SRSF3: variants seen among roughly 807,000 people sequenced by gnomAD.
SRSF3 encodes the protein serine and arginine rich splicing factor 3.
For missense variants in SRSF3, 58 were observed against 217.1 expected, an observed-to-expected ratio of 0.27 and a Z score of 4.61; for synonymous variants, 87 against 73.6, an observed-to-expected ratio of 1.18 and a Z score of -0.93.
intron 4 of SRSF3, 25 bp downstream of exon 4, chr6:36,601,215 C>T (rs189023031): frequency 2.4e-5 from 38 of 1,612,230 alleles, no homozygotes; most frequent in East Asian, 1.3e-4. Context: ...TTTTTGGCTA[C>T]GTTCTTAGAA....
chr6:36,603,395 AT>A lies in SRSF3; in HGVS notation c.*1411del, dbSNP rs1778752248. The A allele has an allele frequency of 4.5e-6, 1 of 223,682 alleles. No individual in the cohort carries two copies. Among genetic ancestry groups the A allele is most frequent in the Non-Finnish European group, 8.9e-6 (1 of 111,912 alleles). The allele number at this position is 223,682 out of a possible 1,614,324, so 13.9% of individuals were successfully genotyped here. On this transcript the variant is annotated 3_prime_UTR_variant, in exon 6 of 6. Coordinates refer to ENST00000373715, the MANE Select transcript of SRSF3 (RefSeq NM_003017.5). ...AAAATGGCAGGTGTTGTAATTTCAAATTTTTGTGCAATTAGATTAAATCATA... is the reference window on the plus strand; with the variant it reads ...AAAATGGCAGGTGTTGTAATTTCAAATTTTGTGCAATTAGATTAAATCATA...
rs1371051070 is a variant in SRSF3 at position 36,602,521 on chromosome 6, T to C, written c.*532T>C. On this transcript the variant is annotated 3_prime_UTR_variant, in exon 6 of 6. Transcript: ENST00000373715. ...TCATCCTGGGCAGAGGTTGCCTAGT[T>C]GGTATAGAATGTTAAGTTTCAAGAA... 4.5e-6 allele frequency: 1 copy of C among 220,036 alleles called. No individual in the cohort carries two copies. Among genetic ancestry groups the C allele is most frequent in the Admixed American group, 5.8e-5 (1 of 17,308 alleles). 13.6% of individuals were successfully genotyped at this position (220,036 alleles called of 1,614,324 possible). A position where few individuals can be genotyped will look rare whatever the true frequency, so the allele number is the denominator to read the frequency against.
In SRSF3 at chr6:36,605,117, C is replaced by T. The variant is rs893211993; in HGVS notation, c.*3128C>T. ...TATGTCCACTCTAATTTTTTTCATCCTGTTTTATTAGGGGGATTCATCGGG... is the reference window on the plus strand; with the variant it reads ...TATGTCCACTCTAATTTTTTTCATCTTGTTTTATTAGGGGGATTCATCGGG... On this transcript the variant is annotated 3_prime_UTR_variant, in exon 6 of 6. Transcript: ENST00000373715. 2.0e-5 allele frequency: 3 copies of T among 152,130 alleles called. 1 individual carries two copies. The East Asian group carries it at 5.8e-4, about 29-fold the overall frequency. The allele number at this position is 152,130 out of a possible 1,614,324, so 9.4% of individuals were successfully genotyped here.
Position 36,603,650 on chromosome 6 carries a change from G to A in SRSF3, c.*1661G>A. The stretch of plus-strand genomic sequence containing the variant: ...CAGCCTTAAAGTTAAGCATGTTCAA[G>A]AAAGACACTTTTCAGACAGCCTGTT... On this transcript the variant is annotated 3_prime_UTR_variant, in exon 6 of 6. Transcript: ENST00000373715. 1 of 230,216 alleles carries A rather than the reference G, an allele frequency of 4.3e-6. No individual in the cohort carries two copies. The highest frequency in any genetic ancestry group is 8.6e-6 in the Non-Finnish European group (1 of 116,228). 14.3% of individuals were successfully genotyped at this position (230,216 alleles called of 1,614,324 possible). A position where few individuals can be genotyped will look rare whatever the true frequency, so the allele number is the denominator to read the frequency against.
intron 3 of SRSF3, 136 bp from the exon 4 acceptor site, chr6:36,601,016 T>TTTTTTTTTTTTTTTTTC (rs1183256116): frequency 3.2e-6 from 1 of 316,280 alleles, no homozygotes; most frequent in Non-Finnish European, 5.2e-6. Flanking sequence ...TTTTTTTTTT[T>TTTTTTTTTTTTTTTTTC]TTTTTTTTTT....
intron 1 of SRSF3, chr6:36,594,816 A>T (rs1778597543): frequency 6.6e-6 from 1 of 151,588 alleles, no homozygotes. Context: ...TTAATTGGGA[A>T]GCTTCTCAGA....
At chr6:36,596,041 C>G (rs925099312) in intron 1 of SRSF3, among the ~76,000 whole-genome samples, 1 of 152,154 alleles carries the variant, frequency 6.6e-6, no homozygotes, top group Non-Finnish European at 1.5e-5. Flanking sequence ...TGTTCTGCCT[C>G]AGCCTCCCGA....
intron 2 of SRSF3, 178 bp downstream of exon 2, chr6:36,597,146 C>T (rs1329771174): frequency 3.3e-6 from 2 of 611,594 alleles, no homozygotes; most frequent in Non-Finnish European, 5.5e-6. Context: ...TGCACTGTCA[C>T]TGGGCTGGAG....
rs775227806 is a variant in SRSF3 at position 36,601,001 on chromosome 6, C to CTTTTTTTTTTT, written c.342-136_342-126dup. The CTTTTTTTTTTT allele has an allele frequency of 3.7e-3, 321 of 86,482 alleles. 47 individuals are homozygous for CTTTTTTTTTTT. The highest frequency in any genetic ancestry group is 9.4e-3 in the Middle Eastern group (2 of 212). The allele number at this position is 86,482 out of a possible 1,614,324, so 5.4% of individuals were successfully genotyped here. A position where few individuals can be genotyped will look rare whatever the true frequency, so the allele number is the denominator to read the frequency against. On this transcript the variant is annotated intron_variant, in intron 3 of 5. Coordinates refer to ENST00000373715, the MANE Select transcript of SRSF3 (RefSeq NM_003017.5). ...GCCTTTTTTTTCTTTTCTTTTTTTTCTTTTTTTTTTTTTTTTTTTTTTTTT... is the reference window on the plus strand; with the variant it reads ...GCCTTTTTTTTCTTTTCTTTTTTTTCTTTTTTTTTTTTTTTTTTTTTTTTTTTTTTTTTTTT...
chr6:36,601,189 A>G lies in SRSF3; in HGVS notation c.379A>G (p.Arg127Gly). The change falls in exon 4 of 6, where the codon AGG (arginine) becomes GGG (glycine). Residue 127 changes from arginine (R) to glycine (G), a missense_variant and splice_region_variant. Arg to Gly is a moderately radical substitution (Grantham distance 125). Transcript: ENST00000373715. ...GAGAAGCTTCTCTCGCAGCCGGAGCAGGTAAATGACTACCTTTTTTGGCTA... is the reference window on the plus strand; with the variant it reads ...GAGAAGCTTCTCTCGCAGCCGGAGCGGGTAAATGACTACCTTTTTTGGCTA... ...RRRSFSRSRS[R>G]SLSRDRRRER... The G allele has an allele frequency of 6.2e-7, 1 of 1,613,572 alleles. No individual in the cohort carries two copies. The highest frequency in any genetic ancestry group is 8.5e-7 in the Non-Finnish European group (1 of 1,179,886).
intron 3 of SRSF3, chr6:36,600,442 A>ACTAG (rs2127506112): frequency 4.0e-6 from 1 of 248,780 alleles, no homozygotes; most frequent in Non-Finnish European, 6.4e-6. Flanking sequence ...TCGTAATGTA[A>ACTAG]CTAGGCCTTC....
At chr6:36,601,116 T>A in intron 3 of SRSF3, 36 bp from the exon 4 acceptor site, 1 of 1,591,966 alleles carries the variant, frequency 6.3e-7, no homozygotes, top group Non-Finnish European at 8.6e-7. Context: ...AAATACTAAT[T>A]GATGATGAGC....
intron 2 of SRSF3, 64 bp downstream of exon 2, chr6:36,597,032 G>A (rs1486522709): frequency 6.7e-7 from 1 of 1,483,782 alleles, no homozygotes; most frequent in Non-Finnish European, 9.4e-7. Context: ...AAATCTACAG[G>A]ATATGTGGCT....
rs143699788 is a variant in SRSF3 at position 36,595,120 on chromosome 6, G to A, written c.-3+639G>A. Among the ~76,000 whole-genome samples the A allele has an allele frequency of 2.7e-3, 409 of 152,304 alleles. 1 individual carries two copies. Among genetic ancestry groups the A allele is most frequent in the Non-Finnish European group, 4.8e-3 (326 of 68,036 alleles). On this transcript the variant is annotated intron_variant, in intron 1 of 5. Coordinates refer to ENST00000373715, the MANE Select transcript of SRSF3 (RefSeq NM_003017.5). The stretch of plus-strand genomic sequence containing the variant: ...ACGGCAAATAGGATGTGTCTGGACT[G>A]GATATTTTAATTAGACAAGCCCAGA...
rs1369149242 is a variant in SRSF3 at position 36,602,835 on chromosome 6, A to G, written c.*846A>G. 9.6e-6 allele frequency: 2 copies of G among 208,480 alleles called. No homozygotes were observed. The highest frequency in any genetic ancestry group is 2.0e-5 in the Non-Finnish European group (2 of 102,082). The allele number at this position is 208,480 out of a possible 1,614,324, so 12.9% of individuals were successfully genotyped here. Reference sequence around the variant, plus strand: ...ACTCAAATCTGTGAGCTTGGTACCAAGTCCAGGTATAACATTCCTATTGGA... The same window carrying G: ...ACTCAAATCTGTGAGCTTGGTACCAGGTCCAGGTATAACATTCCTATTGGA... On this transcript the variant is annotated 3_prime_UTR_variant, in exon 6 of 6. Coordinates refer to ENST00000373715, the MANE Select transcript of SRSF3 (RefSeq NM_003017.5).
chr6:36,595,502 C>G (rs982626454), intron 1 of SRSF3, among the ~76,000 whole-genome samples: 1 of 152,208 alleles, frequency 6.6e-6, no homozygotes, highest in Non-Finnish European at 1.5e-5. Flanking sequence ...CCCAGATTCC[C>G]TGTCCCCCTT....
Position 36,604,108 on chromosome 6 carries a change from A to G in SRSF3, c.*2119A>G, listed in dbSNP as rs575686380. 3.1e-5 allele frequency: 7 copies of G among 224,586 alleles called. No individual in the cohort carries two copies. The highest frequency in any genetic ancestry group is 1.4e-3 in the Middle Eastern group (1 of 736). 13.9% of individuals were successfully genotyped at this position (224,586 alleles called of 1,614,324 possible). On this transcript the variant is annotated 3_prime_UTR_variant, in exon 6 of 6. Coordinates refer to ENST00000373715, the MANE Select transcript of SRSF3 (RefSeq NM_003017.5). ...ATTGCACATTTAGATTGTGGCTATT[A>G]GGAATTTTTAAAGTTGTAATTCCTA...
chr6:36,597,352 C>T (rs1192665205), intron 2 of SRSF3, among the ~76,000 whole-genome samples: 5 of 151,952 alleles, frequency 3.3e-5, no homozygotes, highest in Admixed American at 6.6e-5. Context: ...GTGATCTGAC[C>T]GCCTTGACCT....
chr6:36,602,463 TATTAA>T lies in SRSF3; in HGVS notation c.*479_*483del. On this transcript the variant is annotated 3_prime_UTR_variant, in exon 6 of 6. Coordinates refer to ENST00000373715, the MANE Select transcript of SRSF3 (RefSeq NM_003017.5). ...CATCAGGGAAAACGAAATGCTGCACTATTAAATTAGAGGTTTTTGAAAAATCCAAC... is the reference window on the plus strand; with the variant it reads ...CATCAGGGAAAACGAAATGCTGCACTATTAGAGGTTTTTGAAAAATCCAAC... The T allele has an allele frequency of 4.4e-6, 1 of 226,566 alleles. No homozygotes were observed. Among genetic ancestry groups the T allele is most frequent in the Non-Finnish European group, 8.8e-6 (1 of 114,150 alleles). The allele number at this position is 226,566 out of a possible 1,614,324, so 14.0% of individuals were successfully genotyped here. A position where few individuals can be genotyped will look rare whatever the true frequency, so the allele number is the denominator to read the frequency against.
Sources: gnomAD v4.1 joint callset for allele counts (sites outside exome capture counted in the v4.1 genomes callset) on GRCh38, gnomAD v4.1.1 for gene constraint, MANE v1.5 for transcripts, NCBI Gene and HGNC (gene_info 2026-07-23, HGNC 2026-07-21) for gene names.